The following ZNF143 variants were observed in gnomAD, a reference collection of about 807,000 sequenced individuals.
The protein encoded by ZNF143 is zinc finger protein 143.
ZNF143 carries 49 observed loss-of-function variants against 74.1 expected under a neutral mutation model. The ratio of observed to expected loss-of-function variants is 0.66; its 90% CI spans 0.53 to 0.84. The LOEUF is 0.84. Ranked by LOEUF, ZNF143 falls within the 40% of genes least tolerant of loss-of-function variation. ZNF143 has a pLI of 0.00. For synonymous variants in ZNF143, 304 were observed against 282.8 expected (o/e 1.07, Z -0.75); for missense variants, 637 against 793.4 (o/e 0.80, Z 2.37).
chr11:9,473,847 TG>T, intron 3 of ZNF143, 93 bp from the exon 4 acceptor site: 6 of 1,609,220 alleles, frequency 3.7e-6, no homozygotes, highest in Non-Finnish European at 5.1e-6. Flanking sequence ...GAGCTTAAGT[TG>T]TGTATGTTTT....
chr11:9,494,830 T>C, intron 8 of ZNF143, 65 bp downstream of exon 8: 2 of 1,491,500 alleles, frequency 1.3e-6, no homozygotes, highest in Non-Finnish European at 1.8e-6. Context: ...ACTAAGATCA[T>C]ATTTTTGTGT....
In ZNF143 at chr11:9,487,362, T is replaced by A. The variant is rs531335395; in HGVS notation, c.646-7284T>A. Among the ~76,000 whole-genome samples the A allele has an allele frequency of 7.9e-4, 115 of 146,468 alleles. 1 individual carries two copies. Among genetic ancestry groups the A allele is most frequent in the Middle Eastern group, 3.5e-3 (1 of 288 alleles). On this transcript the variant is annotated intron_variant, in intron 7 of 15. Transcript: ENST00000396602. The stretch of plus-strand genomic sequence containing the variant: ...GCAGAGCTAAGGTTATGTCTTTTTG[T>A]TTGTTTGTTTGTTTTGAGACGGAGT...
At chr11:9,522,886 C>T (rs144917468) in intron 14 of ZNF143, among the ~76,000 whole-genome samples, 2,764 of 151,914 alleles carry the variant, frequency 0.018, 84 homozygotes, top group African/African-American at 0.062. Flanking sequence ...CTCAGCCTCC[C>T]GAGTAGCTGG....
chr11:9,483,158 T>A (rs1847316499), intron 7 of ZNF143, among the ~76,000 whole-genome samples: 1 of 150,798 alleles, frequency 6.6e-6, no homozygotes, highest in Non-Finnish European at 1.5e-5. Flanking sequence ...CACACCCAGC[T>A]AATTTTTGTA....
chr11:9,520,433 G>C (rs550094715), intron 14 of ZNF143, among the ~76,000 whole-genome samples: 10 of 151,414 alleles, frequency 6.6e-5, no homozygotes, highest in African/African-American at 2.2e-4. Flanking sequence ...GGAGGTTGAG[G>C]CTTTGGTGAG....
chr11:9,461,352 G>A lies in ZNF143; in HGVS notation c.-8+276G>A, dbSNP rs190000269. Reference sequence around the variant, plus strand: ...TGTCTCTGAGCGATGCGCCCCGCCTGTTTCCCTCAGGGGACCGCCAAGGGG... The same window carrying A: ...TGTCTCTGAGCGATGCGCCCCGCCTATTTCCCTCAGGGGACCGCCAAGGGG... On this transcript the variant is annotated intron_variant, in intron 1 of 15. Transcript: ENST00000396602. 5.1e-4 allele frequency among the ~76,000 whole-genome samples: 77 copies of A among 152,328 alleles called. 2 individuals carry two copies. In the East Asian group the frequency reaches 0.011, roughly 23 times the overall value.
Position 9,527,826 on chromosome 11 carries a change from G to A in ZNF143, c.*213G>A. 4.3e-6 allele frequency: 2 copies of A among 469,014 alleles called. No individual in the cohort carries two copies. The highest frequency in any genetic ancestry group is 7.6e-6 in the Non-Finnish European group (2 of 263,910). 29.1% of individuals were successfully genotyped at this position (469,014 alleles called of 1,614,324 possible). On this transcript the variant is annotated 3_prime_UTR_variant, in exon 16 of 16. Transcript: ENST00000396602. Reference sequence around the variant, plus strand: ...AGAGTGATTCATTGTGTACAAGGAAGTATGAAATTAGGGCAATACAGTAAA... The same window carrying A: ...AGAGTGATTCATTGTGTACAAGGAAATATGAAATTAGGGCAATACAGTAAA...
intron 11 of ZNF143, among the ~76,000 whole-genome samples, chr11:9,507,504 A>C (rs1352105978): frequency 6.6e-6 from 1 of 152,186 alleles, no homozygotes; most frequent in East Asian, 1.9e-4. Context: ...AAATGAGCTG[A>C]ATATTTGTTT....
chr11:9,474,736 T>A, intron 5 of ZNF143, 103 bp downstream of exon 5: 1 of 1,189,450 alleles, frequency 8.4e-7, no homozygotes, highest in Non-Finnish European at 1.2e-6. Context: ...GGGAAAGAAT[T>A]GTATTTATTC....
At chr11:9,524,828 C>T (rs1027711032) in intron 14 of ZNF143, among the ~76,000 whole-genome samples, 2 of 151,894 alleles carry the variant, frequency 1.3e-5, no homozygotes, top group African/African-American at 2.4e-5. Context: ...ATTTTAAATA[C>T]GACAAGTAAA....
chr11:9,477,712 GA>G (rs561953701), intron 5 of ZNF143, among the ~76,000 whole-genome samples: 1 of 152,286 alleles, frequency 6.6e-6, no homozygotes, highest in East Asian at 1.9e-4. Flanking sequence ...ATTTAGAGGG[GA>G]AAAAACCACC....
At chr11:9,474,080 T>A in intron 4 of ZNF143, 56 bp downstream of exon 4, 1 of 1,381,764 alleles carries the variant, frequency 7.2e-7, no homozygotes, top group Non-Finnish European at 1.0e-6. Context: ...CTTTTAGTAT[T>A]TGCTACCTGC....
chr11:9,476,746 C>CTTTTTTTTTTTTTTTTTTTTT (rs869069237), intron 5 of ZNF143, among the ~76,000 whole-genome samples: 1 of 34,834 alleles, frequency 2.9e-5, no homozygotes. Context: ...AGGGAGGAAT[C>CTTTTTTTTTTTTTTTTTTTTT]TTTTTTTTTT....
Position 9,474,418 on chromosome 11 carries a change from A to C in ZNF143, c.290-132A>C, listed in dbSNP as rs2133880983. 1.5e-5 allele frequency: 13 copies of C among 873,312 alleles called. No individual in the cohort carries two copies. The South Asian group carries it at 2.0e-4, about 14-fold the overall frequency. The allele number at this position is 873,312 out of a possible 1,614,324, so 54.1% of individuals were successfully genotyped here. On this transcript the variant is annotated intron_variant, in intron 4 of 15. Transcript: ENST00000396602. ...CAGGGAAGCTTTACTGAACTTACTT[A>C]AATGTTCAAAGACTCATGAAGCAAG... is the stretch of plus-strand genomic sequence containing the variant.
Position 9,480,841 on chromosome 11 carries a change from C to G in ZNF143, c.645+1295C>G, listed in dbSNP as rs533026845. Among the ~76,000 whole-genome samples, 14 of 150,594 alleles carry G rather than the reference C, an allele frequency of 9.3e-5. No individual in the cohort carries two copies. The South Asian group carries it at 2.9e-3, about 32-fold the overall frequency. ...GGCAGAGGTTGCAGTGAGCCAAGATCGCGCTGTTGCACTCCAGCCTGGGCA... is the reference window on the plus strand; with the variant it reads ...GGCAGAGGTTGCAGTGAGCCAAGATGGCGCTGTTGCACTCCAGCCTGGGCA... On this transcript the variant is annotated intron_variant, in intron 7 of 15. Transcript: ENST00000396602.
At chr11:9,476,744 A>ATT (rs1465968655) in intron 5 of ZNF143, among the ~76,000 whole-genome samples, 3 of 45,976 alleles carry the variant, frequency 6.5e-5, no homozygotes, top group African/African-American at 1.9e-4. Context: ...AAAGGGAGGA[A>ATT]TCTTTTTTTT....
intron 13 of ZNF143, among the ~76,000 whole-genome samples, chr11:9,514,867 G>C (rs1848668732): frequency 6.6e-6 from 1 of 152,208 alleles, no homozygotes; most frequent in Admixed American, 6.5e-5. Flanking sequence ...AGTGGCCCAT[G>C]CCTGTAATCC....
chr11:9,487,320 T>A (rs779736850), intron 7 of ZNF143, among the ~76,000 whole-genome samples: 1 of 151,508 alleles, frequency 6.6e-6, no homozygotes, highest in Non-Finnish European at 1.5e-5. Context: ...TGCACAACGT[T>A]ACATGGTGAG....
At chr11:9,502,557 T>A (rs1022886880) in intron 11 of ZNF143, among the ~76,000 whole-genome samples, 1 of 148,926 alleles carries the variant, frequency 6.7e-6, no homozygotes, top group Admixed American at 6.7e-5. Context: ...TTGCAGTGAG[T>A]TGAGATCGCA....
Sources: allele counts gnomAD v4.1 joint callset (sites outside exome capture counted in the v4.1 genomes callset), GRCh38; gene constraint gnomAD v4.1.1; transcripts MANE v1.5; gene names NCBI Gene and HGNC (gene_info 2026-07-23, HGNC 2026-07-21).